Variants in FMOD observed in about 807,000 individuals in gnomAD.
FMOD encodes the protein fibromodulin.
In FMOD, 15 loss-of-function variants were observed where a neutral mutation model predicts 27.0. The ratio of observed to expected loss-of-function variants is 0.55; its 90% CI spans 0.37 to 0.85. The LOEUF (loss-of-function observed/expected upper bound fraction) is 0.85, where lower values mean the gene tolerates loss of function less well. Ranked by LOEUF, FMOD falls within the 40% of genes least tolerant of loss-of-function variation. The pLI, the probability that FMOD is intolerant of heterozygous loss-of-function variation, is 0.00. For missense variants in FMOD, 460 were observed against 483.2 expected (o/e 0.95, Z 0.45); for synonymous variants, 210 against 214.0 (o/e 0.98, Z 0.16).
rs941516076 is a variant in FMOD, at chr1:203,340,628, T to C, written c.*1715A>G. On this transcript the variant is annotated 3_prime_UTR_variant, in exon 3 of 3. Transcript: ENST00000354955. ...CTTTAAATGACTCCACTCTTGTAGATGCAATCATAAAATAACTTTATTGGT... is the reference window on the plus strand; with the variant it reads ...CTTTAAATGACTCCACTCTTGTAGACGCAATCATAAAATAACTTTATTGGT... 1 of 152,248 alleles carries C rather than the reference T, an allele frequency of 6.6e-6. No homozygotes were observed. The highest frequency in any genetic ancestry group is 1.5e-5 in the Non-Finnish European group (1 of 68,046). 9.4% of individuals were successfully genotyped at this position (152,248 alleles called of 1,614,324 possible). A position where few individuals can be genotyped will look rare whatever the true frequency, so the allele number is the denominator to read the frequency against.
intron 2 of FMOD, among the ~76,000 whole-genome samples, chr1:203,345,525 G>A (rs193267995): frequency 6.6e-6 from 1 of 152,330 alleles, no homozygotes; most frequent in Non-Finnish European, 1.5e-5. Context: ...CAGAGTGTGT[G>A]GCAGGTAAGT....
rs537266188 is a variant in FMOD at position 203,342,519 on chromosome 1, T to C, written c.980-25A>G. ...TCTGTGGGGACAAGAGGAGCACGGGTCAGGGAGAGAAGCCCAGATTACGAA... is the reference window on the plus strand; with the variant it reads ...TCTGTGGGGACAAGAGGAGCACGGGCCAGGGAGAGAAGCCCAGATTACGAA... On this transcript the variant is annotated intron_variant, in intron 2 of 2. Transcript: ENST00000354955. 3.3e-5 allele frequency: 53 copies of C among 1,601,904 alleles called. 1 individual carries two copies. The Middle Eastern group carries it at 6.6e-4, about 20-fold the overall frequency.
At chr1:203,348,484 G>T (rs1658936644) in intron 1 of FMOD, among the ~76,000 whole-genome samples, 1 of 152,158 alleles carries the variant, frequency 6.6e-6, no homozygotes, top group African/African-American at 2.4e-5. Flanking sequence ...TGGCTATTTG[G>T]GGTGAGCTAA....
chr1:203,347,823 C>T lies in FMOD; in HGVS notation c.448G>A (p.Val150Ile), dbSNP rs758862040. 1 of 1,613,888 alleles carries T rather than the reference C, an allele frequency of 6.2e-7. No individual in the cohort carries two copies. Among genetic ancestry groups the T allele is most frequent in the Non-Finnish European group, 8.5e-7 (1 of 1,180,040 alleles). The change falls in exon 2 of 3, where the codon GTC (valine) becomes ATC (isoleucine). Residue 150 changes from valine to isoleucine, a missense_variant. By Grantham distance (29) the Val-to-Ile change is conservative. Transcript: ENST00000354955. The part of the protein sequence containing the change: ...QITSDKVGRK[V>I]FSKLRHLERL... ...TCCAGGTGCCTCAGCTTGGAGAAGA[C>T]CTTCCTGCCCACCTTATCACTGGTG...
chr1:203,342,335 A>C lies in FMOD; in HGVS notation c.*8T>G. 1 of 1,606,672 alleles carries C rather than the reference A, an allele frequency of 6.2e-7. No homozygotes were observed. The highest frequency in any genetic ancestry group is 8.5e-7 in the Non-Finnish European group (1 of 1,174,726). On this transcript the variant is annotated 3_prime_UTR_variant, in exon 3 of 3. Coordinates refer to ENST00000354955, the MANE Select transcript of FMOD (RefSeq NM_002023.5). ...GGCTCTCCGCCCAGTACCCGGTGCC[A>C]GGGCTGCTCAGATCTCGATGAGGCT...
intron 1 of FMOD, among the ~76,000 whole-genome samples, chr1:203,350,761 C>T (rs1434648385): frequency 1.3e-5 from 2 of 152,184 alleles, no homozygotes; most frequent in African/African-American, 4.8e-5. Context: ...AGAAGCTTCC[C>T]TAGACAGAGG....
chr1:203,346,899 T>A (rs913527533), intron 2 of FMOD, among the ~76,000 whole-genome samples: 2 of 152,188 alleles, frequency 1.3e-5, no homozygotes, highest in African/African-American at 4.8e-5. Flanking sequence ...CCCCTTCATC[T>A]CAGACACGTG....
rs146564523 is a variant in FMOD at position 203,348,266 on chromosome 1, T to C, written c.5A>G (p.Gln2Arg). M[Q>R]WTSLLLLAGL... ...TGCCAGCAGCAGGAGGGAGGTCCAC[T>C]GCATTTTGTCTCTGCAAGAAGCGGG... Residue 2 changes from glutamine to arginine, a missense_variant, in exon 2 of 3, where the codon CAG becomes CGG. Physicochemically the swap from Gln to Arg is conservative, Grantham distance 43. Coordinates refer to ENST00000354955, the MANE Select transcript of FMOD (RefSeq NM_002023.5). The C allele has an allele frequency of 3.0e-4, 491 of 1,612,678 alleles. No homozygotes were observed. Among genetic ancestry groups the C allele is most frequent in the Non-Finnish European group, 4.0e-4 (471 of 1,179,278 alleles).
At chr1:203,349,236 G>T (rs1658949910) in intron 1 of FMOD, among the ~76,000 whole-genome samples, 1 of 152,218 alleles carries the variant, frequency 6.6e-6, no homozygotes, top group Admixed American at 6.5e-5. Context: ...AATAGCTAGA[G>T]ATTGGAAACT....
chr1:203,346,459 A>G (rs1317195939), intron 2 of FMOD, among the ~76,000 whole-genome samples: 3 of 150,134 alleles, frequency 2.0e-5, no homozygotes, highest in African/African-American at 7.4e-5. Flanking sequence ...AGATAATTCC[A>G]TCTGAAATGA....
chr1:203,349,053 G>A (rs1481000086), intron 1 of FMOD, among the ~76,000 whole-genome samples: 1 of 152,226 alleles, frequency 6.6e-6, no homozygotes, highest in African/African-American at 2.4e-5. Flanking sequence ...GAGGACCCTG[G>A]CACTGGGTGT....
At chr1:203,350,288 CAT>C (rs1031312102) in intron 1 of FMOD, among the ~76,000 whole-genome samples, 81 of 152,332 alleles carry the variant, frequency 5.3e-4, no homozygotes, top group African/African-American at 1.8e-3. Context: ...TTCAGGGTTG[CAT>C]AGTCTTACAC....
intron 2 of FMOD, among the ~76,000 whole-genome samples, chr1:203,346,912 A>G (rs1379431970): frequency 6.6e-6 from 1 of 152,092 alleles, no homozygotes; most frequent in East Asian, 1.9e-4. Context: ...GACACGTGAC[A>G]TTTCCCAGCT....
chr1:203,342,701 A>T (rs1244505077), intron 2 of FMOD, among the ~76,000 whole-genome samples: 1 of 152,128 alleles, frequency 6.6e-6, no homozygotes, highest in Non-Finnish European at 1.5e-5. Flanking sequence ...CTGCGTCTGC[A>T]GCTCACCTCC....
At chr1:203,342,702 G>A (rs148681759) in intron 2 of FMOD, among the ~76,000 whole-genome samples, 1,655 of 152,280 alleles carry the variant, frequency 0.011, 36 homozygotes, top group African/African-American at 0.038. Context: ...TGCGTCTGCA[G>A]CTCACCTCCT....
chr1:203,348,133 C>G lies in FMOD; in HGVS notation c.138G>C (p.Pro46=), dbSNP rs575232998. Residue 46 remains proline, a synonymous_variant, in exon 2 of 3, where the codon CCG becomes CCC. Coordinates refer to ENST00000354955, the MANE Select transcript of FMOD (RefSeq NM_002023.5). ...STYYDPYDPY[P]YETYEPYPYG... ...AGGGGTAAGGCTCGTAGGTCTCATA[C>G]GGGTAAGGGTCATAGGGATCGTAGT... 2 of 1,614,062 alleles carry G rather than the reference C, an allele frequency of 1.2e-6. No individual in the cohort carries two copies. The highest frequency in any genetic ancestry group is 2.2e-5 in the East Asian group (1 of 44,878).
chr1:203,348,349 G>T, intron 1 of FMOD, 72 bp from the exon 2 acceptor site: 1 of 1,494,332 alleles, frequency 6.7e-7, no homozygotes, highest in Non-Finnish European at 9.1e-7. Flanking sequence ...GGCAGAGTAG[G>T]CAAGCCTTAG....
Position 203,348,160 on chromosome 1 carries a change from G to A in FMOD, c.111C>T (p.Thr37=), listed in dbSNP as rs1284631037. Residue 37 remains threonine (T), a synonymous_variant, in exon 2 of 3, where the codon ACC becomes ACT. Transcript: ENST00000354955. ...GGTAAGGGTCATAGGGATCGTAGTA[G>A]GTGGACTGCTGGCTGCGGAGGTAGT... ...WFHYLRSQQS[T]YYDPYDPYPY... is the part of the protein sequence containing the mutation. 6.2e-6 allele frequency: 10 copies of A among 1,614,184 alleles called. No individual in the cohort carries two copies. The highest frequency in any genetic ancestry group is 2.5e-6 in the Non-Finnish European group (3 of 1,180,034).
At chr1:203,345,015 T>G (rs1014257103) in intron 2 of FMOD, among the ~76,000 whole-genome samples, 1 of 152,196 alleles carries the variant, frequency 6.6e-6, no homozygotes, top group Non-Finnish European at 1.5e-5. Flanking sequence ...CTAATAATAA[T>G]AGCTATCATT....
Sources: allele counts gnomAD v4.1 joint callset (sites outside exome capture counted in the v4.1 genomes callset), GRCh38; gene constraint gnomAD v4.1.1; transcripts MANE v1.5; gene names NCBI Gene and HGNC (gene_info 2026-07-23, HGNC 2026-07-21).